The following CFAP276 variants were observed in gnomAD, a reference collection of about 807,000 sequenced individuals.
CFAP276 encodes cilia and flagella associated protein 276.
At chr1:109,112,304 A>G in the CFAP276 span, among the ~76,000 whole-genome samples, 2 of 152,136 alleles carry the variant, frequency 1.3e-5, no homozygotes, top group Non-Finnish European at 2.9e-5. Context: ...AAATAGGGAA[A>G]TGGGTAGCTT....
chr1:109,111,950 A>AC, the CFAP276 span, among the ~76,000 whole-genome samples: 1 of 152,200 alleles, frequency 6.6e-6, no homozygotes, highest in African/African-American at 2.4e-5. Flanking sequence ...CATCTAATTT[A>AC]TTTATATATC....
At chr1:109,110,953 C>T in the CFAP276 span, among the ~76,000 whole-genome samples, 1 of 152,162 alleles carries the variant, frequency 6.6e-6, no homozygotes, top group African/African-American at 2.4e-5. Context: ...CATGTCCAGT[C>T]AGTCTCCAAG....
At chr1:109,113,413 AGAAAGAGAGAGAG>A in the CFAP276 span, among the ~76,000 whole-genome samples, 1 of 113,458 alleles carries the variant, frequency 8.8e-6, no homozygotes, top group Non-Finnish European at 1.8e-5. Flanking sequence ...AGAGAGAGAG[AGAAAGAGAGAGAG>A]AGAGAGAGAG....
chr1:109,113,825 G>A, the CFAP276 span: 1 of 790,858 alleles, frequency 1.3e-6, no homozygotes, highest in Non-Finnish European at 1.9e-6. Context: ...CCCCGGGCCT[G>A]CCTGTTGGGC....
At chr1:109,108,174 ACT>A in the CFAP276 span, 1 of 693,714 alleles carries the variant, frequency 1.4e-6, no homozygotes, top group South Asian at 1.7e-5. Context: ...ACAGAATCTC[ACT>A]CTGTCATAGA....
the CFAP276 span, among the ~76,000 whole-genome samples, chr1:109,110,195 C>T: frequency 6.6e-6 from 1 of 152,220 alleles, no homozygotes; most frequent in Non-Finnish European, 1.5e-5. Flanking sequence ...TACCATTCTG[C>T]ATACGCTCTC....
the CFAP276 span, among the ~76,000 whole-genome samples, chr1:109,113,358 A>T: frequency 1.4e-5 from 2 of 143,712 alleles, no homozygotes; most frequent in African/African-American, 2.6e-5. Flanking sequence ...GCGCCACTGC[A>T]CTCCAGTGTG....
chr1:109,112,755 C>T, the CFAP276 span: 8 of 1,529,574 alleles, frequency 5.2e-6, no homozygotes, highest in East Asian at 4.9e-5. Context: ...CATAAGATCC[C>T]GGGTCCCAAT....
the CFAP276 span, chr1:109,106,213 G>A: frequency 1.1e-6 from 1 of 920,574 alleles, no homozygotes; most frequent in Non-Finnish European, 1.7e-6. Flanking sequence ...CATAACAGCT[G>A]GGAAAACCGG....
At chr1:109,112,748 A>C in the CFAP276 span, 1 of 1,535,124 alleles carries the variant, frequency 6.5e-7, no homozygotes. Context: ...TCACTGGCAT[A>C]AGATCCCGGG....
At chr1:109,106,749 T>C in the CFAP276 span, 5 of 1,437,366 alleles carry the variant, frequency 3.5e-6, no homozygotes, top group Non-Finnish European at 4.7e-6. Flanking sequence ...ATCTCAAGAA[T>C]AAAGCAGCCA....
the CFAP276 span, among the ~76,000 whole-genome samples, chr1:109,109,606 G>A: frequency 7.5e-5 from 10 of 133,066 alleles, no homozygotes; most frequent in African/African-American, 2.6e-4. Context: ...GCATGATCTC[G>A]GCTCACTGCA....
chr1:109,106,291 G>A, the CFAP276 span, among the ~76,000 whole-genome samples: 543 of 152,264 alleles, frequency 3.6e-3, 6 homozygotes, highest in South Asian at 0.031. Flanking sequence ...TGCTGTAAAT[G>A]TTTGTCTCCT....
At chr1:109,108,523 C>T in the CFAP276 span, among the ~76,000 whole-genome samples, 6 of 152,134 alleles carry the variant, frequency 3.9e-5, no homozygotes, top group African/African-American at 1.4e-4. Context: ...CTTGATCCTC[C>T]TATGTTTTCT....
chr1:109,112,257 A>G, the CFAP276 span, among the ~76,000 whole-genome samples: 1 of 152,046 alleles, frequency 6.6e-6, no homozygotes, highest in Non-Finnish European at 1.5e-5. Flanking sequence ...ATTCTCTCCC[A>G]CTCCATATCT....
the CFAP276 span, among the ~76,000 whole-genome samples, chr1:109,112,204 G>A: frequency 6.6e-6 from 1 of 152,190 alleles, no homozygotes; most frequent in African/African-American, 2.4e-5. Context: ...GAGACAGTGT[G>A]AACACAGATG....
At chr1:109,111,295 T>C in the CFAP276 span, among the ~76,000 whole-genome samples, 3 of 152,092 alleles carry the variant, frequency 2.0e-5, no homozygotes, top group Non-Finnish European at 4.4e-5. Flanking sequence ...AGGAAGATCC[T>C]GGTTCTACAA....
At chr1:109,106,986 G>A in the CFAP276 span, 1 of 1,573,320 alleles carries the variant, frequency 6.4e-7, no homozygotes, top group Non-Finnish European at 8.7e-7. Flanking sequence ...AGGCTGGAGA[G>A]GCTCTGCCTC....
At chr1:109,109,039 T>C in the CFAP276 span, among the ~76,000 whole-genome samples, 1 of 152,210 alleles carries the variant, frequency 6.6e-6, no homozygotes, top group Non-Finnish European at 1.5e-5. Flanking sequence ...ATATGTAAAA[T>C]GCCATATTCA....
Sources: gnomAD v4.1 joint callset for allele counts (sites outside exome capture counted in the v4.1 genomes callset) on GRCh38, gnomAD v4.1.1 for gene constraint, MANE v1.5 for transcripts, NCBI Gene and HGNC (gene_info 2026-07-23, HGNC 2026-07-21) for gene names.